Variants in PCDH15 observed in about 807,000 individuals in gnomAD.
PCDH15 encodes protocadherin related 15, also known as protocadherin-15.
A neutral mutation model predicts 178.5 loss-of-function variants in PCDH15; 129 were observed. The observed-to-expected ratio is 0.72, with a 90% CI of 0.63 to 0.84. The LOEUF is 0.84. PCDH15 is among the 40% of genes least tolerant of loss of function. PCDH15 has a pLI of 0.00. For synonymous variants in PCDH15, 800 were observed against 732.0 expected (o/e 1.09, Z -1.50); for missense variants, 2,230 against 2,099.9 (o/e 1.06, Z -1.21).
intron 2 of PCDH15, among the ~76,000 whole-genome samples, chr10:55,157,138 TATC>T (rs1838911809): frequency 1.3e-5 from 2 of 152,122 alleles, no homozygotes; most frequent in Non-Finnish European, 2.9e-5. Flanking sequence ...TCTATCTATC[TATC>T]TATATAAAAT....
In PCDH15 at chr10:55,044,165, A is replaced by G. The variant is rs188293039; in HGVS notation, c.-80+122411T>C. Among the ~76,000 whole-genome samples the G allele has an allele frequency of 2.1e-3, 324 of 152,204 alleles. 2 individuals are homozygous for G. In the Middle Eastern group the frequency reaches 0.024, roughly 11 times the overall value. On this transcript the variant is annotated intron_variant, in intron 2 of 5. Coordinates refer to the PCDH15 transcript ENST00000458638. ...TGATAATGTCCCGATGCAGGTGACA[A>G]TCTCCTCATAAACAAGAACAACTAT...
chr10:54,895,896 T>A (rs1216703071), intron 3 of PCDH15, among the ~76,000 whole-genome samples: 4 of 151,136 alleles, frequency 2.6e-5, no homozygotes, highest in South Asian at 2.1e-4. Flanking sequence ...CTAAGGGTAT[T>A]TTTTTTTTGA....
At chr10:54,317,750 C>T (rs528068796) in intron 7 of PCDH15, among the ~76,000 whole-genome samples, 26 of 151,536 alleles carry the variant, frequency 1.7e-4, no homozygotes, top group South Asian at 6.2e-4. Context: ...CCAGCCTGGG[C>T]GACAGAGTGA....
intron 8 of PCDH15, among the ~76,000 whole-genome samples, chr10:54,238,255 G>T (rs2054834491): frequency 6.6e-6 from 1 of 151,956 alleles, no homozygotes; most frequent in African/African-American, 2.4e-5. Flanking sequence ...AATATGTAAT[G>T]TACTTTTATA....
upstream of PCDH15, among the ~76,000 whole-genome samples, chr10:54,802,624 G>T (rs940953224): frequency 5.3e-5 from 8 of 152,120 alleles, no homozygotes; most frequent in African/African-American, 1.9e-4. Context: ...TAACTTTATT[G>T]ATACATGTTT....
At chr10:55,092,193 G>A (rs1037928958) in intron 2 of PCDH15, among the ~76,000 whole-genome samples, 4 of 151,958 alleles carry the variant, frequency 2.6e-5, no homozygotes, top group African/African-American at 7.2e-5. Context: ...AAATAATGGA[G>A]ATGGAAAATA....
At chr10:53,923,358 A>T in intron 25 of PCDH15, among the ~76,000 whole-genome samples, 1 of 152,190 alleles carries the variant, frequency 6.6e-6, no homozygotes, top group Non-Finnish European at 1.5e-5. Flanking sequence ...GGAATAAAAA[A>T]TGAATTAGAT....
intron 26 of PCDH15, among the ~76,000 whole-genome samples, chr10:53,879,794 A>G (rs7075518): frequency 0.76 from 115,331 of 152,012 alleles, 44,367 homozygotes; most frequent in East Asian, 1. Flanking sequence ...TAGTAGAGAC[A>G]AGGTTTTGCC....
At chr10:53,881,450 T>TA (rs1334251437) in intron 26 of PCDH15, among the ~76,000 whole-genome samples, 2 of 152,078 alleles carry the variant, frequency 1.3e-5, no homozygotes, top group East Asian at 1.9e-4. Context: ...TGTATAAAAA[T>TA]AAAAAAAGTA....
intron 1 of PCDH15, among the ~76,000 whole-genome samples, chr10:55,250,963 A>G (rs138305905): frequency 6.6e-5 from 10 of 152,254 alleles, no homozygotes; most frequent in African/African-American, 1.7e-4. Flanking sequence ...CTATGTTTGA[A>G]ATTATCTTAC....
At chr10:55,358,026 C>A (rs1471264296) in intron 2 of PCDH15, among the ~76,000 whole-genome samples, 1 of 151,978 alleles carries the variant, frequency 6.6e-6, no homozygotes, top group Admixed American at 6.6e-5. Context: ...TAAAGCAGCC[C>A]AACACAAGAG....
At chr10:55,170,374 C>T (rs1400330231) in intron 1 of PCDH15, among the ~76,000 whole-genome samples, 1 of 152,002 alleles carries the variant, frequency 6.6e-6, no homozygotes. Flanking sequence ...GTTTCAAACT[C>T]CTTGGCTCAA....
chr10:53,823,423 A>ATGT, intron 32 of PCDH15: 1 of 1,419,724 alleles, frequency 7.0e-7, no homozygotes. Context: ...CATGAGAAAG[A>ATGT]TGTTTTTATG....
intron 3 of PCDH15, among the ~76,000 whole-genome samples, chr10:54,865,916 A>G (rs1953931600): frequency 1.3e-5 from 2 of 152,208 alleles, no homozygotes; most frequent in African/African-American, 2.4e-5. Flanking sequence ...TCAAGGATAA[A>G]GAATTTGGGC....
intron 2 of PCDH15, among the ~76,000 whole-genome samples, chr10:55,146,326 C>T (rs1838509671): frequency 6.6e-6 from 1 of 151,878 alleles, no homozygotes; most frequent in Non-Finnish European, 1.5e-5. Context: ...TAAGATTTTG[C>T]CCTTTTGTTT....
At chr10:55,524,769 T>C (rs1321897668) in intron 2 of PCDH15, among the ~76,000 whole-genome samples, 1 of 151,210 alleles carries the variant, frequency 6.6e-6, no homozygotes, top group Non-Finnish European at 1.5e-5. Context: ...GCTGTATGAC[T>C]GGCACACAGT....
At chr10:55,241,742 CCTT>C (rs1227691074) in intron 1 of PCDH15, among the ~76,000 whole-genome samples, 1 of 152,056 alleles carries the variant, frequency 6.6e-6, no homozygotes, top group Admixed American at 6.6e-5. Context: ...AATTTCTGGA[CCTT>C]CTCATAATCT....
chr10:54,109,134 T>A (rs763595687), intron 15 of PCDH15, among the ~76,000 whole-genome samples: 2 of 152,112 alleles, frequency 1.3e-5, no homozygotes, highest in Admixed American at 6.5e-5. Context: ...ATGCTGTTCG[T>A]ATAAATGTAA....
At chr10:54,789,179 G>T (rs1269210918) in intron 1 of PCDH15, among the ~76,000 whole-genome samples, 1 of 151,664 alleles carries the variant, frequency 6.6e-6, no homozygotes, top group Non-Finnish European at 1.5e-5. Flanking sequence ...AATGTCTTTG[G>T]TATGACCAAC....
Sources: allele counts gnomAD v4.1 joint callset (sites outside exome capture counted in the v4.1 genomes callset), GRCh38; gene constraint gnomAD v4.1.1; transcripts MANE v1.5; gene names NCBI Gene and HGNC (gene_info 2026-07-23, HGNC 2026-07-21).